Variants in REL observed in about 807,000 individuals in gnomAD.
REL encodes proto-oncogene c-Rel.
Under a neutral mutation model 45.9 loss-of-function variants are expected in REL, and 15 were observed. The observed-to-expected ratio is 0.33, with a 90% CI of 0.22 to 0.50. The LOEUF (loss-of-function observed/expected upper bound fraction) is 0.50. Ranked by LOEUF, REL falls within the 20% of genes least tolerant of loss-of-function variation. REL has a pLI of 0.98. For synonymous variants in REL, 239 were observed against 242.1 expected, an observed-to-expected ratio of 0.99 and a Z score of 0.12; for missense variants, 601 against 715.2, an observed-to-expected ratio of 0.84 and a Z score of 1.82.
chr2:60,909,881 G>A (rs976152354), intron 4 of REL, among the ~76,000 whole-genome samples: 2 of 151,944 alleles, frequency 1.3e-5, no homozygotes, highest in Non-Finnish European at 2.9e-5. Flanking sequence ...CCAGCCTGGC[G>A]ACAGAGCAAG....
chr2:60,921,928 C>T lies in REL; in HGVS notation c.1157C>T (p.Pro386Leu). 6.2e-7 allele frequency: 1 copy of T among 1,614,112 alleles called. No homozygotes were observed. The highest frequency in any genetic ancestry group is 1.7e-5 in the Admixed American group (1 of 60,004). Reference protein sequence around the residue: ...PSSSWSSVAHPTPRSGNTNPL... With the variant: ...PSSSWSSVAHLTPRSGNTNPL... ...TCAAGCTGGTCATCAGTGGCCCACC[C>T]CACCCCACGCTCAGGCAATACAAAC... Residue 386 changes from proline (P) to leucine (L), a missense_variant, in exon 10 of 10, where the codon CCC becomes CTC. By Grantham distance (98) the Pro-to-Leu change is moderately conservative. Coordinates refer to ENST00000394479, the MANE Select transcript of REL (RefSeq NM_001291746.2).
intron 4 of REL, among the ~76,000 whole-genome samples, chr2:60,913,766 C>T (rs1251181466): frequency 6.6e-6 from 1 of 152,178 alleles, no homozygotes. Context: ...CTTGTTAGCT[C>T]TCTAATGTCA....
At chr2:60,911,741 C>T (rs1253562036) in intron 4 of REL, among the ~76,000 whole-genome samples, 1 of 151,992 alleles carries the variant, frequency 6.6e-6, no homozygotes, top group Non-Finnish European at 1.5e-5. Flanking sequence ...TAGCTCACAC[C>T]TGTAATCCCA....
At chr2:60,910,337 C>T (rs770861434) in intron 4 of REL, among the ~76,000 whole-genome samples, 3 of 151,334 alleles carry the variant, frequency 2.0e-5, no homozygotes, top group African/African-American at 7.3e-5. Context: ...TGGTGGCGGG[C>T]GCCTGTAGTC....
rs58159520 is a variant in REL at position 60,927,996 on chromosome 2, A to G, written c.*5461A>G. 9.5e-3 allele frequency: 1,985 copies of G among 209,282 alleles called. 52 individuals carry two copies. The highest frequency in any genetic ancestry group is 0.041 in the African/African-American group (1,797 of 44,026). The allele number at this position is 209,282 out of a possible 1,614,324, so 13.0% of individuals were successfully genotyped here. A position where few individuals can be genotyped will look rare whatever the true frequency, so the allele number is the denominator to read the frequency against. On this transcript the variant is annotated 3_prime_UTR_variant, in exon 10 of 10. Coordinates refer to ENST00000394479, the MANE Select transcript of REL (RefSeq NM_001291746.2). ...CTAACCTAATACTTCAGGAAAACTC[A>G]TGATGGTTTCCATGTTAAGAGAGAC... is the stretch of plus-strand genomic sequence containing the variant.
At chr2:60,903,635 G>A (rs139250743) in intron 4 of REL, among the ~76,000 whole-genome samples, 128 of 152,212 alleles carry the variant, frequency 8.4e-4, no homozygotes, top group African/African-American at 2.7e-3. Context: ...CTGGGTTCAA[G>A]CGATTCTCGT....
chr2:60,906,925 T>TTTTTTTTTTTTTTC (rs1379444628), intron 4 of REL, among the ~76,000 whole-genome samples: 1 of 144,850 alleles, frequency 6.9e-6, no homozygotes, highest in African/African-American at 2.5e-5. Context: ...TTTTTTTTTT[T>TTTTTTTTTTTTTTC]TTTTCTTTTC....
intron 1 of REL, among the ~76,000 whole-genome samples, chr2:60,888,278 C>T (rs1673119292): frequency 1.3e-5 from 2 of 152,038 alleles, no homozygotes; most frequent in South Asian, 4.2e-4. Context: ...TTTATTCACA[C>T]TCTCTCTTCC....
intron 2 of REL, 54 bp downstream of exon 2, chr2:60,891,879 C>T: frequency 1.4e-6 from 2 of 1,432,220 alleles, no homozygotes; most frequent in Non-Finnish European, 1.9e-6. Flanking sequence ...CATATACTAG[C>T]TATAGCAATT....
At chr2:60,899,553 T>G (rs1198754043) in intron 3 of REL, 2 of 152,354 alleles carry the variant, frequency 1.3e-5, no homozygotes, top group Non-Finnish European at 2.9e-5. Flanking sequence ...AAAGATATTT[T>G]AGATGCTAGC....
intron 5 of REL, among the ~76,000 whole-genome samples, chr2:60,917,466 A>AT (rs1339918807): frequency 1.4e-5 from 2 of 140,140 alleles, no homozygotes; most frequent in Admixed American, 7.0e-5. Flanking sequence ...TTCTTTTCTC[A>AT]TTTTTTCTTT....
At chr2:60,891,044 G>A (rs1428671167) in intron 1 of REL, among the ~76,000 whole-genome samples, 5 of 152,012 alleles carry the variant, frequency 3.3e-5, no homozygotes, top group African/African-American at 1.2e-4. Flanking sequence ...TCTCTATTAT[G>A]TCTTTAGAAA....
At chr2:60,887,532 T>C (rs1437602310) in intron 1 of REL, among the ~76,000 whole-genome samples, 1 of 151,854 alleles carries the variant, frequency 6.6e-6, no homozygotes, top group Non-Finnish European at 1.5e-5. Flanking sequence ...ACAAGTAGCT[T>C]TATCTCAAGA....
intron 5 of REL, among the ~76,000 whole-genome samples, chr2:60,917,703 TGTGTGTGTGTGTAC>T (rs968171665): frequency 8.0e-5 from 12 of 150,328 alleles, no homozygotes; most frequent in African/African-American, 2.5e-4. Context: ...TGTGTGTGTG[TGTGTGTGTGTGTAC>T]GTGTGTGTGT....
chr2:60,898,501 T>C (rs944052303), intron 3 of REL, among the ~76,000 whole-genome samples: 1 of 152,242 alleles, frequency 6.6e-6, no homozygotes, highest in Non-Finnish European at 1.5e-5. Context: ...TGTTCCAGCA[T>C]AGGCTCCCAT....
intron 1 of REL, among the ~76,000 whole-genome samples, chr2:60,889,229 C>G (rs546703306): frequency 6.6e-6 from 1 of 152,306 alleles, no homozygotes; most frequent in African/African-American, 2.4e-5. Context: ...TTCCTCCGCT[C>G]TTTTGCTTCA....
chr2:60,926,960 C>A lies in REL; in HGVS notation c.*4425C>A, dbSNP rs1229099199. 8.9e-6 allele frequency: 2 copies of A among 225,746 alleles called. No homozygotes were observed. Among genetic ancestry groups the A allele is most frequent in the African/African-American group, 2.2e-5 (1 of 44,908 alleles). The allele number at this position is 225,746 out of a possible 1,614,324, so 14.0% of individuals were successfully genotyped here. ...TAGCATTCCTTGAAAAAAAACAATT[C>A]TCTCAGGCCTCCATACCTTTAGCAT... On this transcript the variant is annotated 3_prime_UTR_variant, in exon 10 of 10. Coordinates refer to ENST00000394479, the MANE Select transcript of REL (RefSeq NM_001291746.2).
Position 60,930,034 on chromosome 2 carries a change from A to G in REL, c.*7499A>G, listed in dbSNP as rs1304947441. The stretch of plus-strand genomic sequence containing the variant: ...TAGAATTGGTGATCCAGGCCGCCTA[A>G]TGGCATCAAATAATTTGTTATATCT... On this transcript the variant is annotated 3_prime_UTR_variant, in exon 10 of 10. Transcript: ENST00000394479. 2 of 151,908 alleles carry G rather than the reference A, an allele frequency of 1.3e-5. No individual in the cohort carries two copies. Among genetic ancestry groups the G allele is most frequent in the East Asian group, 3.8e-4 (2 of 5,208 alleles). 9.4% of individuals were successfully genotyped at this position (151,908 alleles called of 1,614,324 possible).
chr2:60,904,503 G>A (rs1032466643), intron 4 of REL, among the ~76,000 whole-genome samples: 4 of 151,668 alleles, frequency 2.6e-5, no homozygotes, highest in African/African-American at 7.3e-5. Flanking sequence ...CCCAGGAGGC[G>A]GAGGTTGTGG....
Sources: gnomAD v4.1 joint callset for allele counts (sites outside exome capture counted in the v4.1 genomes callset) on GRCh38, gnomAD v4.1.1 for gene constraint, MANE v1.5 for transcripts, NCBI Gene and HGNC (gene_info 2026-07-23, HGNC 2026-07-21) for gene names.